The following CTR9 variants were observed in gnomAD, a reference collection of about 807,000 sequenced individuals.
CTR9 encodes RNA polymerase-associated protein CTR9 homolog.
Under a neutral mutation model 152.1 loss-of-function variants are expected in CTR9, and 41 were observed. The ratio of observed to expected loss-of-function variants is 0.27; its 90% CI spans 0.21 to 0.35. CTR9 has a LOEUF of 0.35. CTR9 is among the 10% of genes least tolerant of loss of function. The pLI, the probability that CTR9 is intolerant of heterozygous loss-of-function variation, is 1.00. For synonymous variants in CTR9, 476 were observed against 496.2 expected, an observed-to-expected ratio of 0.96 and a Z score of 0.54; for missense variants, 917 against 1,424.4, an observed-to-expected ratio of 0.64 and a Z score of 5.73.
At chr11:10,751,606 C>G (rs1373457789) in intron 1 of CTR9, 149 bp downstream of exon 1, 1 of 775,200 alleles carries the variant, frequency 1.3e-6, no homozygotes, top group Non-Finnish European at 2.1e-6. Context: ...TCATCATCTT[C>G]TTCAGCCCCT....
chr11:10,773,121 T>G lies in CTR9; in HGVS notation c.2581-6T>G. 1.1e-5 allele frequency: 17 copies of G among 1,587,302 alleles called. No homozygotes were observed. Among genetic ancestry groups the G allele is most frequent in the Non-Finnish European group, 1.4e-5 (16 of 1,173,730 alleles). ...GGGGTTTCTTTTCTACCATTTTTCC[T>G]CATAGGAAGAGAAACGTCTCAGAGA... On this transcript the variant is annotated splice_polypyrimidine_tract_variant and splice_region_variant and intron_variant, in intron 20 of 24. Coordinates refer to ENST00000361367, the MANE Select transcript of CTR9 (RefSeq NM_014633.5).
At chr11:10,755,346 C>T (rs954654968) in intron 3 of CTR9, 149 bp downstream of exon 3, 42 of 999,918 alleles carry the variant, frequency 4.2e-5, no homozygotes, top group African/African-American at 6.5e-5. Flanking sequence ...TCATTAAAAT[C>T]GGAATGCTTT....
At chr11:10,755,279 T>C (rs766452769) in intron 3 of CTR9, 82 bp downstream of exon 3, 113 of 1,465,042 alleles carry the variant, frequency 7.7e-5, no homozygotes, top group Non-Finnish European at 1.0e-4. Flanking sequence ...GCAGATTTTT[T>C]GAAAGAGTTT....
At chr11:10,775,863 G>C (rs1179409470) in intron 24 of CTR9, among the ~76,000 whole-genome samples, 1 of 152,164 alleles carries the variant, frequency 6.6e-6, no homozygotes, top group East Asian at 1.9e-4. Flanking sequence ...GAAGAAACTT[G>C]ACCCTGTCAT....
intron 7 of CTR9, among the ~76,000 whole-genome samples, chr11:10,762,821 T>C (rs182861503): frequency 7.2e-5 from 11 of 151,944 alleles, no homozygotes; most frequent in African/African-American, 2.7e-4. Flanking sequence ...ACTGGCAACA[T>C]AGTGAGACCT....
rs763467986 is a variant in CTR9 at position 10,775,308 on chromosome 11, G to A, written c.2982+5G>A. ...AAAGCAGAGAAGAAAAAGGCTGTAA[G>A]TTTATAGTACTGTGTTTTTCTGTCC... On this transcript the variant is annotated splice_donor_5th_base_variant and intron_variant, in intron 23 of 24. Transcript: ENST00000361367. The A allele has an allele frequency of 6.2e-7, 1 of 1,612,634 alleles. No individual in the cohort carries two copies. The highest frequency in any genetic ancestry group is 8.5e-7 in the Non-Finnish European group (1 of 1,178,916).
In CTR9 at chr11:10,766,110, G is replaced by A. The variant is rs73417769; in HGVS notation, c.1598-292G>A. ...ATTGGAGAGAAATTAGAAACAGGCC[G>A]GTTCCAAGCTTTTAAAATAACTTAG... On this transcript the variant is annotated intron_variant, in intron 12 of 24. Transcript: ENST00000361367. 0.02 allele frequency among the ~76,000 whole-genome samples: 3,086 copies of A among 152,200 alleles called. 101 individuals are homozygous for A. The highest frequency in any genetic ancestry group is 0.068 in the African/African-American group (2,835 of 41,524).
chr11:10,779,048 A>T lies in CTR9; in HGVS notation c.3465A>T (p.Gly1155=). 1 of 1,614,180 alleles carries T rather than the reference A, an allele frequency of 6.2e-7. No homozygotes were observed. The highest frequency in any genetic ancestry group is 8.5e-7 in the Non-Finnish European group (1 of 1,180,028). The change falls in exon 25 of 25, where the codon GGA becomes GGT. Residue 1155 remains glycine (G), a synonymous_variant. Coordinates refer to ENST00000361367, the MANE Select transcript of CTR9 (RefSeq NM_014633.5). The part of the protein sequence containing the change: ...QGSGNESEPE[G]SNNEASDRGS... The stretch of plus-strand genomic sequence containing the variant: ...CTGGAAATGAATCGGAACCAGAGGG[A>T]TCCAACAATGAGGCCTCAGATAGAG...
rs754713644 is a variant in CTR9, at chr11:10,775,533, C to T, written c.2995C>T (p.Arg999Cys). Residue 999 changes from arginine to cysteine, a missense_variant, in exon 24 of 25, where the codon CGT (arginine) becomes TGT (cysteine). Arg to Cys is a radical substitution (Grantham distance 180, BLOSUM62 -3). Transcript: ENST00000361367. ...AEKKKAPKPERLPPSMKGKIK... is the reference protein window; with the variant it reads ...AEKKKAPKPECLPPSMKGKIK... ...TGACATTCTTTAGCCCAAGCCAGAA[C>T]GTCTGCCTCCATCAATGAAGGGAAA... The T allele has an allele frequency of 3.7e-6, 6 of 1,612,710 alleles. No homozygotes were observed. The highest frequency in any genetic ancestry group is 5.1e-6 in the Non-Finnish European group (6 of 1,178,936).
At chr11:10,771,708 G>A (rs886483645) in intron 19 of CTR9, 92 bp downstream of exon 19, 3 of 852,872 alleles carry the variant, frequency 3.5e-6, no homozygotes, top group Non-Finnish European at 4.0e-6. Flanking sequence ...AGAGGTTCCT[G>A]ACCTTCCACA....
intron 16 of CTR9, 74 bp downstream of exon 16, chr11:10,768,565 C>G: frequency 6.9e-7 from 1 of 1,452,110 alleles, no homozygotes; most frequent in East Asian, 2.3e-5. Flanking sequence ...CCATTCTGGC[C>G]CTGTCATGGA....
chr11:10,776,091 A>G (rs12281412), intron 24 of CTR9, among the ~76,000 whole-genome samples: 243 of 151,904 alleles, frequency 1.6e-3, no homozygotes, highest in African/African-American at 5.3e-3. Context: ...TTATTTATCT[A>G]TTTATCTATT....
chr11:10,755,027 A>G lies in CTR9; in HGVS notation c.214A>G (p.Asn72Asp), dbSNP rs769410701. 1 of 1,614,122 alleles carries G rather than the reference A, an allele frequency of 6.2e-7. No individual in the cohort carries two copies. Among genetic ancestry groups the G allele is most frequent in the Admixed American group, 1.7e-5 (1 of 60,024 alleles). ...KLLEAARIDG[N>D]LDYRDHEKDQ... ...GTTGGAAGCAGCACGTATAGATGGC[A>G]ATTTGGACTATAGAGACCATGAAAA... Residue 72 changes from asparagine (N) to aspartate (D), a missense_variant, in exon 3 of 25, where the codon AAT becomes GAT. Transcript: ENST00000361367.
At position 10,770,497 on chromosome 11, in the gene CTR9, T is replaced by C. The variant is rs377098949; in HGVS notation, c.2237T>C (p.Val746Ala). 12 of 1,612,562 alleles carry C rather than the reference T, an allele frequency of 7.4e-6. No homozygotes were observed. The African/African-American group carries it at 1.3e-4, about 18-fold the overall frequency. Residue 746 changes from valine (V) to alanine (A), a missense_variant, in exon 18 of 25, where the codon GTG becomes GCG. This residue lies in a region of CTR9 where 106 missense variants were observed against 157.8 expected (regional missense o/e 0.67). Transcript: ENST00000361367. ...CKQTLLKARH[V>A]APSDTVLMFN... ...ATTTTTTATTCACAGGCTAGACATG[T>C]GGCACCCAGTGATACAGTTCTTATG...
At chr11:10,770,174 T>C (rs780358528) in intron 16 of CTR9, 36 bp from the exon 17 acceptor site, 2 of 1,404,826 alleles carry the variant, frequency 1.4e-6, no homozygotes, top group Non-Finnish European at 9.9e-7. Flanking sequence ...ATTTATTCTT[T>C]GTTGTGTTTT....
chr11:10,753,631 C>G (rs1862838861), intron 2 of CTR9, among the ~76,000 whole-genome samples: 1 of 150,612 alleles, frequency 6.6e-6, no homozygotes, highest in Non-Finnish European at 1.5e-5. Context: ...GACCAAGCCT[C>G]CTTGTCACAC....
chr11:10,773,975 C>T, intron 21 of CTR9, 37 bp from the exon 22 acceptor site: 4 of 1,501,782 alleles, frequency 2.7e-6, no homozygotes, highest in Non-Finnish European at 3.6e-6. Context: ...TTCCACCAAC[C>T]AGGAAATAAC....
chr11:10,759,737 T>G (rs11042954), intron 5 of CTR9, among the ~76,000 whole-genome samples: 23,889 of 152,154 alleles, frequency 0.16, 3,809 homozygotes, highest in African/African-American at 0.4. Flanking sequence ...AACTTGTTTG[T>G]GTTTTGGCAT....
chr11:10,773,266 G>A lies in CTR9; in HGVS notation c.2720G>A (p.Gly907Asp). ...AAAGAGAAGAAAAGAGGTGGTGGTG[G>A]TGGACGGGTAAGATATAATTCCTGC... ...ATKEKKRGGG[G>D]GRRSKKGGEF... Residue 907 changes from glycine (G) to aspartate (D), a missense_variant, in exon 21 of 25, where the codon GGT becomes GAT. Physicochemically the swap from Gly to Asp is moderately conservative, Grantham distance 94. This residue lies in a region of CTR9 where 384 missense variants were observed against 398.4 expected (regional missense o/e 0.96). Transcript: ENST00000361367. The A allele has an allele frequency of 2.5e-6, 4 of 1,611,674 alleles. No homozygotes were observed. The highest frequency in any genetic ancestry group is 3.4e-6 in the Non-Finnish European group (4 of 1,179,456).
Sources: allele counts gnomAD v4.1 joint callset (sites outside exome capture counted in the v4.1 genomes callset), GRCh38; gene constraint gnomAD v4.1.1; regional missense constraint gnomAD v4.1.1; transcripts MANE v1.5; gene names NCBI Gene and HGNC (gene_info 2026-07-23, HGNC 2026-07-21).